Variants in IDE observed in about 807,000 individuals in gnomAD.
The protein encoded by IDE is insulin degrading enzyme, also known as insulin-degrading enzyme.
Under a neutral mutation model 133.2 loss-of-function variants are expected in IDE, and 58 were observed. That is an observed-to-expected ratio of 0.44 (90% CI 0.35 to 0.54). The LOEUF (loss-of-function observed/expected upper bound fraction) is 0.54, where lower values mean the gene tolerates loss of function less well. IDE is among the 20% of genes least tolerant of loss of function. The probability of loss-of-function intolerance (pLI) is 0.00; values close to 1 mark genes in which losing one functional copy is unlikely to be tolerated. For missense variants in IDE, 981 were observed against 1,234.0 expected, an observed-to-expected ratio of 0.79 and a Z score of 3.07; for synonymous variants, 396 against 421.3, an observed-to-expected ratio of 0.94 and a Z score of 0.73.
chr10:92,510,289 A>G, intron 5 of IDE, 127 bp from the exon 6 acceptor site: 2 of 443,356 alleles, frequency 4.5e-6, no homozygotes, highest in Non-Finnish European at 8.1e-6. Context: ...AAATGATTAC[A>G]CCTCACACCT....
intron 4 of IDE, among the ~76,000 whole-genome samples, chr10:92,529,564 T>G (rs1028998386): frequency 1.3e-5 from 2 of 152,144 alleles, no homozygotes; most frequent in African/African-American, 4.8e-5. Context: ...CCTGAAACCC[T>G]TCTATAGAAT....
At chr10:92,544,170 T>A (rs1231483296) in intron 1 of IDE, among the ~76,000 whole-genome samples, 1 of 151,542 alleles carries the variant, frequency 6.6e-6, no homozygotes, top group Admixed American at 6.6e-5. Context: ...GAAGCGGAGG[T>A]TGCAGTGAGC....
intron 4 of IDE, among the ~76,000 whole-genome samples, chr10:92,530,123 G>A (rs187677916): frequency 3.9e-5 from 6 of 152,196 alleles, no homozygotes; most frequent in Non-Finnish European, 8.8e-5. Flanking sequence ...GTACTCAGGA[G>A]GCTGAGGCAG....
rs191730073 is a variant in IDE at position 92,503,773 on chromosome 10, C to T, written c.1430+1021G>A. Among the ~76,000 whole-genome samples the T allele has an allele frequency of 3.3e-3, 493 of 149,818 alleles. 1 individual carries two copies. The highest frequency in any genetic ancestry group is 5.0e-3 in the Non-Finnish European group (340 of 67,730). On this transcript the variant is annotated intron_variant, in intron 11 of 24. Coordinates refer to ENST00000265986, the MANE Select transcript of IDE (RefSeq NM_004969.4). The stretch of plus-strand genomic sequence containing the variant: ...CACTCTTGTTGCCTAGGCTGGAGTG[C>T]AATGCCATGATCTCGGCTCACAGCA...
chr10:92,461,157 T>C lies in IDE; in HGVS notation c.2823+34A>G, dbSNP rs976433306. ...TACCCAGCCCTATAATACTTTCATATCAGTCAAAATCTAAATATATGAATT... is the reference window on the plus strand; with the variant it reads ...TACCCAGCCCTATAATACTTTCATACCAGTCAAAATCTAAATATATGAATT... On this transcript the variant is annotated intron_variant, in intron 22 of 24. Transcript: ENST00000265986. 2.9e-6 allele frequency: 3 copies of C among 1,032,722 alleles called. No homozygotes were observed. In the African/African-American group the frequency reaches 4.7e-5, roughly 16 times the overall value. 64.0% of individuals were successfully genotyped at this position (1,032,722 alleles called of 1,614,324 possible). A position where few individuals can be genotyped will look rare whatever the true frequency, so the allele number is the denominator to read the frequency against.
Position 92,479,267 on chromosome 10 carries a change from G to A in IDE, c.1884+10C>T, listed in dbSNP as rs1457500860. On this transcript the variant is annotated intron_variant, in intron 15 of 24. Coordinates refer to ENST00000265986, the MANE Select transcript of IDE (RefSeq NM_004969.4). ...TGATGAGTGGAAGGCTCTAAGGCGT[G>A]GGTACTTACATACATCCCATAGATG... 1.9e-6 allele frequency: 3 copies of A among 1,593,080 alleles called. No homozygotes were observed. The highest frequency in any genetic ancestry group is 3.4e-5 in the Admixed American group (2 of 59,654).
At chr10:92,507,383 T>C (rs1848348529) in intron 9 of IDE, among the ~76,000 whole-genome samples, 192 bp downstream of exon 9, 1 of 152,216 alleles carries the variant, frequency 6.6e-6, no homozygotes, top group Non-Finnish European at 1.5e-5. Flanking sequence ...TTCCCCTTAG[T>C]TGTGCCCCAA....
chr10:92,537,260 G>T, intron 2 of IDE, 106 bp downstream of exon 2: 2 of 798,742 alleles, frequency 2.5e-6, no homozygotes, highest in Non-Finnish European at 3.9e-6. Flanking sequence ...AAGGTACATG[G>T]AACCGGTAAC....
At chr10:92,513,801 C>T (rs1021042723) in intron 5 of IDE, among the ~76,000 whole-genome samples, 2 of 151,772 alleles carry the variant, frequency 1.3e-5, no homozygotes, top group Non-Finnish European at 2.9e-5. Context: ...CTATGATGTG[C>T]CAAGCACGAG....
chr10:92,510,170 AAAAC>A lies in IDE; in HGVS notation c.785-12_785-9del. 3 of 1,377,460 alleles carry A rather than the reference AAAAC, an allele frequency of 2.2e-6. No homozygotes were observed. Among genetic ancestry groups the A allele is most frequent in the Non-Finnish European group, 3.1e-6 (3 of 972,914 alleles). The allele number at this position is 1,377,460 out of a possible 1,614,324, so 85.3% of individuals were successfully genotyped here. ...TCAAGTCATCTAAAGATTCTACAAG[AAAAC>A]AGACAAGGAAAACAGAACTTAAGCG... On this transcript the variant is annotated splice_polypyrimidine_tract_variant and intron_variant, in intron 5 of 24. Transcript: ENST00000265986.
intron 1 of IDE, among the ~76,000 whole-genome samples, chr10:92,557,658 G>A (rs1843075292): frequency 1.3e-5 from 2 of 152,078 alleles, no homozygotes; most frequent in African/African-American, 2.4e-5. Flanking sequence ...GGGAGGCCAA[G>A]GTAGGCAGAT....
chr10:92,491,487 G>A (rs1847338551), intron 11 of IDE, among the ~76,000 whole-genome samples: 1 of 152,082 alleles, frequency 6.6e-6, no homozygotes, highest in African/African-American at 2.4e-5. Flanking sequence ...AGGGGAGAAA[G>A]GGACAAGACC....
intron 16 of IDE, 130 bp downstream of exon 16, chr10:92,475,754 T>C (rs980757339): frequency 4.0e-6 from 2 of 503,076 alleles, no homozygotes; most frequent in African/African-American, 2.0e-5. Flanking sequence ...CAAGGTGAGA[T>C]GAATGCCACA....
intron 5 of IDE, among the ~76,000 whole-genome samples, chr10:92,513,494 C>T (rs183287199): frequency 3.5e-4 from 53 of 152,216 alleles, no homozygotes; most frequent in African/African-American, 1.3e-3. Context: ...TGCCTGGACC[C>T]TATTAGAGTT....
chr10:92,516,322 C>T (rs962522746), intron 4 of IDE, among the ~76,000 whole-genome samples: 6 of 151,958 alleles, frequency 3.9e-5, no homozygotes, highest in Non-Finnish European at 8.8e-5. Flanking sequence ...GGTGAAAACC[C>T]CTCTCTATTA....
intron 11 of IDE, among the ~76,000 whole-genome samples, chr10:92,500,325 T>C (rs1002430178): frequency 6.0e-5 from 9 of 150,182 alleles, no homozygotes; most frequent in African/African-American, 2.0e-4. Flanking sequence ...AACTGACTGA[T>C]AGATGAATGC....
At chr10:92,530,546 T>C (rs574195957) in intron 4 of IDE, among the ~76,000 whole-genome samples, 42 of 152,128 alleles carry the variant, frequency 2.8e-4, no homozygotes, top group Non-Finnish European at 5.4e-4. Context: ...CTTGGTCTTC[T>C]AAAGTGTTGC....
intron 12 of IDE, among the ~76,000 whole-genome samples, chr10:92,488,343 C>T (rs535196336): frequency 6.6e-6 from 1 of 152,110 alleles, no homozygotes; most frequent in Non-Finnish European, 1.5e-5. Context: ...TCAATCTGCC[C>T]ACCTCAGCCT....
chr10:92,478,255 T>C (rs1432645089), intron 15 of IDE, among the ~76,000 whole-genome samples: 1 of 152,232 alleles, frequency 6.6e-6, no homozygotes, highest in African/African-American at 2.4e-5. Context: ...ACATAGAAAC[T>C]TTATACTACT....
Sources: allele counts gnomAD v4.1 joint callset (sites outside exome capture counted in the v4.1 genomes callset), GRCh38; gene constraint gnomAD v4.1.1; transcripts MANE v1.5; gene names NCBI Gene and HGNC (gene_info 2026-07-23, HGNC 2026-07-21).